Variants in GARNL3 observed in about 807,000 individuals in gnomAD.
The protein encoded by GARNL3 is GTPase-activating Rap/Ran-GAP domain-like protein 3.
A neutral mutation model predicts 125.0 loss-of-function variants in GARNL3; 63 were observed. The observed-to-expected ratio is 0.50, with a 90% CI of 0.41 to 0.62. The LOEUF is 0.62. Ranked by LOEUF, GARNL3 falls within the 20% of genes least tolerant of loss-of-function variation. GARNL3 has a pLI of 0.00. For missense variants in GARNL3, 994 were observed against 1,244.0 expected, an observed-to-expected ratio of 0.80 and a Z score of 3.02; for synonymous variants, 439 against 457.5, an observed-to-expected ratio of 0.96 and a Z score of 0.52.
At chr9:127,300,461 G>T (rs1467422686) in intron 2 of GARNL3, 2 of 413,692 alleles carry the variant, frequency 4.8e-6, no homozygotes, top group Non-Finnish European at 9.4e-6. Context: ...CTTCTTGTTT[G>T]GGTGAATTTT....
intron 2 of GARNL3, among the ~76,000 whole-genome samples, chr9:127,245,174 C>A (rs1483342518): frequency 6.6e-6 from 1 of 152,224 alleles, no homozygotes; most frequent in Non-Finnish European, 1.5e-5. Flanking sequence ...GGAGCTGGCC[C>A]GCTGCCTTTC....
intron 23 of GARNL3, among the ~76,000 whole-genome samples, chr9:127,383,889 C>T (rs1564199696): frequency 1.3e-5 from 2 of 152,178 alleles, no homozygotes; most frequent in East Asian, 3.8e-4. Context: ...GGTCTCCAGC[C>T]TCAAAATGCT....
intron 7 of GARNL3, among the ~76,000 whole-genome samples, chr9:127,331,395 AG>A (rs1163061450): frequency 1.3e-5 from 2 of 151,948 alleles, no homozygotes; most frequent in Non-Finnish European, 2.9e-5. Context: ...CAGGAGGCTG[AG>A]GCAGGGGAAT....
intron 1 of GARNL3, among the ~76,000 whole-genome samples, chr9:127,276,967 G>A (rs552670789): frequency 6.6e-6 from 1 of 152,310 alleles, no homozygotes; most frequent in Non-Finnish European, 1.5e-5. Context: ...AAATTAACTT[G>A]TCCAAGGTCA....
At position 127,342,243 on chromosome 9, in the gene GARNL3, T is replaced by G. The variant is rs1356477022; in HGVS notation, c.1160T>G (p.Leu387Trp). 6.2e-7 allele frequency: 1 copy of G among 1,613,608 alleles called. No homozygotes were observed. The part of the protein sequence containing the change: ...VKLINGEKAT[L>W]ETPTFAQKRR... ...GTAATTAATGGTGAAAAAGCCACTT[T>G]GGAAACCCCAACATTTGCCCAGAAA... Residue 387 changes from leucine to tryptophan, a missense_variant, in exon 14 of 28, where the codon TTG (leucine) becomes TGG (tryptophan). By Grantham distance (61) the Leu-to-Trp change is moderately conservative. Around this residue, in one of 5 missense-constraint regions of GARNL3, gnomAD observed 728 missense variants for 865.7 expected, o/e 0.84. Coordinates refer to ENST00000373387, the MANE Select transcript of GARNL3 (RefSeq NM_032293.5).
At chr9:127,316,239 T>C (rs2065237395) in intron 4 of GARNL3, among the ~76,000 whole-genome samples, 1 of 152,128 alleles carries the variant, frequency 6.6e-6, no homozygotes, top group Non-Finnish European at 1.5e-5. Flanking sequence ...TGCCCTTGGC[T>C]TCTCTTTAAA....
intron 3 of GARNL3, 46 bp from the exon 4 acceptor site, chr9:127,313,395 G>T: frequency 7.5e-7 from 1 of 1,336,372 alleles, no homozygotes; most frequent in Non-Finnish European, 1.1e-6. Flanking sequence ...ATCTGTGGCT[G>T]GCAGGATCAG....
Position 127,393,067 on chromosome 9 carries a change from G to A in GARNL3, c.2871-16G>A. 2 of 1,580,324 alleles carry A rather than the reference G, an allele frequency of 1.3e-6. No individual in the cohort carries two copies. Among genetic ancestry groups the A allele is most frequent in the East Asian group, 2.3e-5 (1 of 44,116 alleles). On this transcript the variant is annotated splice_polypyrimidine_tract_variant and intron_variant, in intron 27 of 27. Coordinates refer to ENST00000373387, the MANE Select transcript of GARNL3 (RefSeq NM_032293.5). The stretch of plus-strand genomic sequence containing the variant: ...GTACTCCCAAAGATCCTCTTACAGT[G>A]ACTTTTCTCTTCTAGGATCCCATCA...
intron 6 of GARNL3, 43 bp from the exon 7 acceptor site, chr9:127,325,026 T>A (rs991537740): frequency 1.3e-6 from 2 of 1,586,416 alleles, no homozygotes; most frequent in Non-Finnish European, 1.7e-6. Context: ...ATGAAATAAT[T>A]ACTGTTATGC....
intron 21 of GARNL3, among the ~76,000 whole-genome samples, chr9:127,357,839 A>C (rs1158975180): frequency 1.3e-5 from 2 of 151,932 alleles, no homozygotes; most frequent in Non-Finnish European, 1.5e-5. Flanking sequence ...TAAATAAATG[A>C]GAGCATTTGT....
chr9:127,242,240 C>G lies in GARNL3; in HGVS notation c.-28-839C>G, dbSNP rs934490614. Among the ~76,000 whole-genome samples, 15 of 152,154 alleles carry G rather than the reference C, an allele frequency of 9.9e-5. No homozygotes were observed. Among genetic ancestry groups the G allele is most frequent in the African/African-American group, 3.4e-4 (14 of 41,418 alleles). ...TTCTTAAGAAGACATTATAAAGAGT[C>G]CCCTTTGACCAAAGTGTTACATAAA... is the stretch of plus-strand genomic sequence containing the variant. On this transcript the variant is annotated intron_variant, in intron 1 of 10. Transcript: ENST00000439286. The surrounding 1 kb of genome is among the most constrained non-coding windows in gnomAD (Gnocchi z 4.6).
In GARNL3 at chr9:127,344,263, A is replaced by G. The variant is rs1355578489; in HGVS notation, c.1280A>G (p.Asp427Gly). ...ATGCTTAATAGACGATCTTTTAGTG[A>G]TGTCTTACCAGAGTCACCCAAGTCA... ...KNMLNRRSFS[D>G]VLPESPKSAR... Residue 427 changes from aspartate (D) to glycine (G), a missense_variant, in exon 15 of 28, where the codon GAT becomes GGT. Asp to Gly is a moderately conservative substitution (Grantham distance 94). This residue lies in a region of GARNL3 where 728 missense variants were observed against 865.7 expected (regional missense o/e 0.84). Coordinates refer to ENST00000373387, the MANE Select transcript of GARNL3 (RefSeq NM_032293.5). 5.6e-6 allele frequency: 9 copies of G among 1,613,042 alleles called. No individual in the cohort carries two copies. Among genetic ancestry groups the G allele is most frequent in the Non-Finnish European group, 7.6e-6 (9 of 1,179,590 alleles).
chr9:127,304,925 A>G (rs62578827), intron 2 of GARNL3, among the ~76,000 whole-genome samples: 27,810 of 152,212 alleles, frequency 0.18, 2,681 homozygotes, highest in East Asian at 0.3. Context: ...GTATTCTTCC[A>G]GTGGACTACT....
chr9:127,275,610 G>C (rs1408897178), intron 1 of GARNL3, among the ~76,000 whole-genome samples: 2 of 152,164 alleles, frequency 1.3e-5, no homozygotes, highest in Admixed American at 1.3e-4. Flanking sequence ...ACATCTGTGG[G>C]TTCTGAAATT....
At chr9:127,381,066 A>G (rs1381731432) in intron 22 of GARNL3, among the ~76,000 whole-genome samples, 1 of 152,032 alleles carries the variant, frequency 6.6e-6, no homozygotes, top group Non-Finnish European at 1.5e-5. Context: ...TTTGGTAGAG[A>G]TAGAGTTTCA....
chr9:127,328,917 G>C (rs1391130106), intron 7 of GARNL3, among the ~76,000 whole-genome samples: 3 of 152,184 alleles, frequency 2.0e-5, no homozygotes, highest in Non-Finnish European at 4.4e-5. Flanking sequence ...TTGAATGTCT[G>C]AGCAAGACTT....
chr9:127,246,397 G>A (rs1257359839), intron 2 of GARNL3, among the ~76,000 whole-genome samples: 1 of 152,176 alleles, frequency 6.6e-6, no homozygotes, highest in South Asian at 2.1e-4. Flanking sequence ...GGGTGAGGAA[G>A]TGAGACTCAG....
At chr9:127,271,689 T>C (rs1055872999) in intron 1 of GARNL3, among the ~76,000 whole-genome samples, 1 of 150,106 alleles carries the variant, frequency 6.7e-6, no homozygotes, top group African/African-American at 2.5e-5. Context: ...TTAAACTGGA[T>C]GGCTAGGAAA....
chr9:127,311,623 T>TG lies in GARNL3; in HGVS notation c.220-12dup. 1 of 1,594,228 alleles carries TG rather than the reference T, an allele frequency of 6.3e-7. No individual in the cohort carries two copies. ...AATAAGCCTCTTAATGTCACAACTT[T>TG]GTTCCATTACAGAATGCAACTGCCC... On this transcript the variant is annotated splice_polypyrimidine_tract_variant and intron_variant, in intron 2 of 27. Transcript: ENST00000373387.
Sources: gnomAD v4.1 joint callset for allele counts (sites outside exome capture counted in the v4.1 genomes callset) on GRCh38, gnomAD v4.1.1 for gene constraint, gnomAD v4.1.1 regional missense constraint, Gnocchi (gnomAD v3.1) non-coding constraint, MANE v1.5 for transcripts, NCBI Gene and HGNC (gene_info 2026-07-23, HGNC 2026-07-21) for gene names.